Variants in GRHL2 observed in about 807,000 individuals in gnomAD.
GRHL2 encodes grainyhead like transcription factor 2.
GRHL2 carries 21 observed loss-of-function variants against 83.8 expected under a neutral mutation model. The ratio of observed to expected loss-of-function variants is 0.25; its 90% CI spans 0.18 to 0.36. The LOEUF is 0.36. Ranked by LOEUF, GRHL2 falls within the 10% of genes least tolerant of loss-of-function variation. The pLI is 1.00. For synonymous variants in GRHL2, 280 were observed against 278.9 expected (o/e 1.00, Z -0.04); for missense variants, 623 against 781.8 (o/e 0.80, Z 2.42).
At chr8:101,574,760 T>A (rs1675706586) in intron 6 of GRHL2, among the ~76,000 whole-genome samples, 1 of 152,228 alleles carries the variant, frequency 6.6e-6, no homozygotes, top group African/African-American at 2.4e-5. Flanking sequence ...AATGCTGTGG[T>A]CAAGACTGCG....
At chr8:101,674,554 A>G (rs62517405), downstream of GRHL2, among the ~76,000 whole-genome samples, 1 of 152,184 alleles carries the variant, frequency 6.6e-6, no homozygotes, top group East Asian at 1.9e-4. Context: ...TCTGAAATTG[A>G]GGCAGTAATC....
chr8:101,675,728 C>T, the GRHL2 span, among the ~76,000 whole-genome samples: 1 of 152,036 alleles, frequency 6.6e-6, no homozygotes, highest in Non-Finnish European at 1.5e-5. Flanking sequence ...TCATATGGAA[C>T]CAAAAAAGAG....
At chr8:101,534,852 T>C (rs187496570) in intron 1 of GRHL2, among the ~76,000 whole-genome samples, 1 of 152,302 alleles carries the variant, frequency 6.6e-6, no homozygotes, top group East Asian at 1.9e-4. Context: ...TGAGGGCAGA[T>C]AAGGATTTAA....
chr8:101,649,616 A>C, intron 14 of GRHL2, 117 bp downstream of exon 14: 1 of 764,450 alleles, frequency 1.3e-6, no homozygotes, highest in Non-Finnish European at 2.3e-6. Context: ...ATACAGAACA[A>C]GAAAAACCTA....
chr8:101,644,289 T>C, intron 13 of GRHL2, 64 bp downstream of exon 13: 1 of 1,340,016 alleles, frequency 7.5e-7, no homozygotes, highest in Non-Finnish European at 1.1e-6. Flanking sequence ...CAAGAAGAGC[T>C]TGCAGCCCTC....
intron 1 of GRHL2, among the ~76,000 whole-genome samples, chr8:101,497,002 T>C (rs561067465): frequency 1.3e-5 from 2 of 152,324 alleles, no homozygotes; most frequent in East Asian, 3.9e-4. Flanking sequence ...AAATTATTCT[T>C]GTAAGTGGTC....
chr8:101,635,303 T>C (rs950458660), intron 11 of GRHL2, among the ~76,000 whole-genome samples: 2 of 152,168 alleles, frequency 1.3e-5, no homozygotes. Context: ...AAAATTAAGT[T>C]AGTGCAATGG....
chr8:101,525,361 T>G (rs911110959), intron 1 of GRHL2, among the ~76,000 whole-genome samples: 2 of 152,190 alleles, frequency 1.3e-5, no homozygotes, highest in Non-Finnish European at 2.9e-5. Context: ...GAGTTTGTAT[T>G]TATGTGGGTT....
intron 14 of GRHL2, among the ~76,000 whole-genome samples, chr8:101,663,182 T>G (rs1813959941): frequency 6.6e-6 from 1 of 152,208 alleles, no homozygotes; most frequent in Non-Finnish European, 1.5e-5. Flanking sequence ...ATTAAAAATT[T>G]TAATAGCTTC....
chr8:101,625,072 T>C (rs1370304451), intron 9 of GRHL2, among the ~76,000 whole-genome samples: 1 of 152,156 alleles, frequency 6.6e-6, no homozygotes, highest in East Asian at 1.9e-4. Flanking sequence ...GTATAACAGA[T>C]AATTTTTTAA....
intron 8 of GRHL2, among the ~76,000 whole-genome samples, chr8:101,608,258 G>A (rs1294889776): frequency 6.6e-6 from 1 of 152,236 alleles, no homozygotes; most frequent in Non-Finnish European, 1.5e-5. Context: ...GGTAGAGCTG[G>A]AATTCTAACC....
intron 4 of GRHL2, among the ~76,000 whole-genome samples, chr8:101,559,945 T>C (rs1400963197): frequency 2.6e-5 from 4 of 152,222 alleles, no homozygotes; most frequent in Non-Finnish European, 4.4e-5. Context: ...GGATATAGTC[T>C]CCTATGTTGC....
chr8:101,657,955 A>T (rs1813834246), intron 14 of GRHL2, among the ~76,000 whole-genome samples: 1 of 152,144 alleles, frequency 6.6e-6, no homozygotes, highest in South Asian at 2.1e-4. Context: ...AGAAGGAAGG[A>T]TTGTTGTGTG....
rs1401075202 is a variant in GRHL2, at chr8:101,619,674, C to G, written c.1234C>G (p.Gln412Glu). ...SNKPIHRAYC[Q>E]IKVFCDKGAE... ...TAAACCCATTCATAGAGCTTATTGC[C>G]AGATCAAGGTCTTCTGTGACAAAGT... is the stretch of plus-strand genomic sequence containing the variant. The change falls in exon 9 of 16, where the codon CAG (glutamine) becomes GAG (glutamate). Residue 412 changes from glutamine (Q) to glutamate (E), a missense_variant. By Grantham distance (29) the Gln-to-Glu change is conservative. Around this residue, in one of 8 missense-constraint regions of GRHL2, gnomAD observed 2 missense variants for 17.4 expected, o/e 0.11. Transcript: ENST00000646743. 6.2e-7 allele frequency: 1 copy of G among 1,612,584 alleles called. No individual in the cohort carries two copies. The highest frequency in any genetic ancestry group is 8.5e-7 in the Non-Finnish European group (1 of 1,178,786).
intron 6 of GRHL2, among the ~76,000 whole-genome samples, chr8:101,574,640 C>T (rs771390292): frequency 2.0e-5 from 3 of 152,328 alleles, no homozygotes; most frequent in South Asian, 2.1e-4. Context: ...CGCCACAACT[C>T]GGGCATGCCG....
At chr8:101,661,522 A>G (rs1255076545) in intron 14 of GRHL2, among the ~76,000 whole-genome samples, 3 of 152,246 alleles carry the variant, frequency 2.0e-5, no homozygotes, top group African/African-American at 7.2e-5. Context: ...TCTCTAGATT[A>G]CTTATAATAC....
intron 4 of GRHL2, among the ~76,000 whole-genome samples, chr8:101,569,733 A>G (rs1247674110): frequency 6.6e-6 from 1 of 152,206 alleles, no homozygotes; most frequent in Non-Finnish European, 1.5e-5. Flanking sequence ...GGCCTCCCAA[A>G]GTGCGGGATT....
At chr8:101,513,423 T>A (rs1230277797) in intron 1 of GRHL2, among the ~76,000 whole-genome samples, 1 of 151,922 alleles carries the variant, frequency 6.6e-6, no homozygotes, top group Non-Finnish European at 1.5e-5. Context: ...ATTGTTGTTA[T>A]TGTAACTGAC....
intron 12 of GRHL2, among the ~76,000 whole-genome samples, chr8:101,641,947 T>A (rs148541033): frequency 6.6e-6 from 1 of 152,352 alleles, no homozygotes; most frequent in East Asian, 1.9e-4. Context: ...GTAATTGATA[T>A]ACTGTATTGT....
Sources: gnomAD v4.1 joint callset for allele counts (sites outside exome capture counted in the v4.1 genomes callset) on GRCh38, gnomAD v4.1.1 for gene constraint, gnomAD v4.1.1 regional missense constraint, MANE v1.5 for transcripts, NCBI Gene and HGNC (gene_info 2026-07-23, HGNC 2026-07-21) for gene names.